RMDN2: variants seen among roughly 807,000 people sequenced by gnomAD.
The protein encoded by RMDN2 is regulator of microtubule dynamics 2.
A neutral mutation model predicts 52.8 loss-of-function variants in RMDN2; 61 were observed. That is an observed-to-expected ratio of 1.16 (90% CI 0.94 to 1.43). The LOEUF (loss-of-function observed/expected upper bound fraction) is 1.43, where lower values mean the gene tolerates loss of function less well. Ranked by LOEUF, RMDN2 falls within the 40% of genes most tolerant of loss-of-function variation. RMDN2 has a pLI of 0.00. For synonymous variants in RMDN2, 180 were observed against 153.1 expected (o/e 1.18, Z -1.30); for missense variants, 592 against 475.3 (o/e 1.25, Z -2.28).
At chr2:38,060,344 C>T (rs1681999601) in intron 10 of RMDN2, among the ~76,000 whole-genome samples, 1 of 152,110 alleles carries the variant, frequency 6.6e-6, no homozygotes, top group Admixed American at 6.5e-5. Flanking sequence ...CCCATTTTTA[C>T]AGCAATCATT....
At chr2:38,041,593 CTTT>C (rs1680958089) in intron 10 of RMDN2, among the ~76,000 whole-genome samples, 2 of 151,848 alleles carry the variant, frequency 1.3e-5, no homozygotes, top group African/African-American at 4.8e-5. Flanking sequence ...TGTAGATCTT[CTTT>C]ATCAAGATGA....
intron 6 of RMDN2, 104 bp from the exon 7 acceptor site, chr2:37,991,116 A>G (rs1674730417): frequency 4.0e-6 from 2 of 495,704 alleles, no homozygotes; most frequent in South Asian, 4.7e-5. Context: ...GGGAGAACTG[A>G]GACAATATTT....
At chr2:37,951,175 C>G (rs2124960550) in intron 2 of RMDN2, 2 of 1,476,106 alleles carry the variant, frequency 1.4e-6, no homozygotes, top group East Asian at 4.6e-5. Context: ...GGAGGCTTGG[C>G]AGGTCTCCAC....
chr2:37,948,303 A>G (rs1268353053), intron 2 of RMDN2, among the ~76,000 whole-genome samples: 3 of 152,220 alleles, frequency 2.0e-5, no homozygotes, highest in African/African-American at 7.2e-5. Flanking sequence ...TAACATCCAC[A>G]TGAGCAATCA....
At chr2:37,967,158 C>G (rs1479723175) in intron 2 of RMDN2, among the ~76,000 whole-genome samples, 5 of 152,034 alleles carry the variant, frequency 3.3e-5, no homozygotes, top group East Asian at 1.9e-4. Context: ...TTTGTGTCCT[C>G]TAATTGAAGA....
intron 4 of RMDN2, among the ~76,000 whole-genome samples, chr2:37,977,674 T>A (rs1403710319): frequency 6.6e-6 from 1 of 151,028 alleles, no homozygotes; most frequent in African/African-American, 2.4e-5. Flanking sequence ...ACTCCTCAAT[T>A]CCCAGACGGG....
chr2:37,994,958 C>G (rs903351037), intron 7 of RMDN2, among the ~76,000 whole-genome samples: 7 of 152,106 alleles, frequency 4.6e-5, no homozygotes, highest in Non-Finnish European at 1.0e-4. Context: ...AAATTATAGT[C>G]AGATCAGTAT....
chr2:38,037,796 C>A (rs1031422970), intron 10 of RMDN2, among the ~76,000 whole-genome samples: 1 of 152,200 alleles, frequency 6.6e-6, no homozygotes. Flanking sequence ...TGCACTTTGG[C>A]TCTTTTAATC....
At chr2:38,026,693 GC>G (rs1427569227) in intron 10 of RMDN2, among the ~76,000 whole-genome samples, 1 of 151,902 alleles carries the variant, frequency 6.6e-6, no homozygotes, top group East Asian at 1.9e-4. Flanking sequence ...ATGATTGTTT[GC>G]CACACTCATC....
intron 2 of RMDN2, among the ~76,000 whole-genome samples, chr2:37,932,410 A>C (rs1452640052): frequency 2.0e-5 from 3 of 151,694 alleles, no homozygotes; most frequent in African/African-American, 7.3e-5. Context: ...ATCCCAAGGC[A>C]GAAGAATTTT....
At chr2:37,986,432 C>T (rs1674028086) in intron 5 of RMDN2, among the ~76,000 whole-genome samples, 1 of 152,112 alleles carries the variant, frequency 6.6e-6, no homozygotes, top group Admixed American at 6.5e-5. Flanking sequence ...CACTTCCTAA[C>T]TCATTGTTTG....
At chr2:37,954,212 GTTTA>G (rs1364579563) in intron 2 of RMDN2, among the ~76,000 whole-genome samples, 1 of 151,890 alleles carries the variant, frequency 6.6e-6, no homozygotes, top group Non-Finnish European at 1.5e-5. Flanking sequence ...AGGTAGTCTA[GTTTA>G]TCAATTTTTT....
At chr2:37,979,855 T>C (rs1232246615) in intron 4 of RMDN2, among the ~76,000 whole-genome samples, 1 of 152,202 alleles carries the variant, frequency 6.6e-6, no homozygotes, top group Non-Finnish European at 1.5e-5. Context: ...AAAAATTGAT[T>C]TAGTTTTTAA....
rs375903525 is a variant in RMDN2, at chr2:38,061,842, C to G, written c.1714-5140C>G. 6.6e-5 allele frequency among the ~76,000 whole-genome samples: 10 copies of G among 152,254 alleles called. No homozygotes were observed. In the East Asian group the frequency reaches 1.9e-3, roughly 29 times the overall value. Reference sequence around the variant, plus strand: ...ACTTATGACATTGAATTAAAATTGCCTCGGCTGGGAGGTTCCAGCTGTTGC... The same window carrying G: ...ACTTATGACATTGAATTAAAATTGCGTCGGCTGGGAGGTTCCAGCTGTTGC... On this transcript the variant is annotated intron_variant, in intron 10 of 10. Transcript: ENST00000234195.
chr2:37,981,296 T>G lies in RMDN2; in HGVS notation c.744T>G (p.Ser248Arg). 1 of 1,600,568 alleles carries G rather than the reference T, an allele frequency of 6.2e-7. No homozygotes were observed. Among genetic ancestry groups the G allele is most frequent in the South Asian group, 1.1e-5 (1 of 90,792 alleles). ...TTTATCTTTCAGGAAAAACTTTAAG[T>G]GAAAGAGCTATTAATAGAGCACCCA... is the stretch of plus-strand genomic sequence containing the variant. Reference protein sequence around the residue: ...KHYANIGKTLSERAINRAPMN... With the variant: ...KHYANIGKTLRERAINRAPMN... Residue 248 changes from serine (S) to arginine (R), a missense_variant, in exon 5 of 11, where the codon AGT becomes AGG. Coordinates refer to ENST00000354545, the MANE Select transcript of RMDN2 (RefSeq NM_001170791.3).
intron 5 of RMDN2, among the ~76,000 whole-genome samples, chr2:37,985,676 A>G (rs1164976352): frequency 6.6e-6 from 1 of 152,186 alleles, no homozygotes; most frequent in African/African-American, 2.4e-5. Flanking sequence ...TAAAAGTTAC[A>G]GAGAACACAA....
At chr2:37,925,523 C>T (rs1245737960) in intron 1 of RMDN2, 98 bp downstream of exon 1, 1 of 152,530 alleles carries the variant, frequency 6.6e-6, no homozygotes, top group Non-Finnish European at 1.5e-5. Context: ...GTGGGGGCGA[C>T]TGCACTTCCG....
intron 10 of RMDN2, chr2:38,030,831 C>T (rs997084490): frequency 1.3e-5 from 2 of 152,188 alleles, no homozygotes; most frequent in African/African-American, 4.8e-5. Flanking sequence ...CTGGCCTGCA[C>T]AGCGAGAAAA....
intron 10 of RMDN2, among the ~76,000 whole-genome samples, chr2:38,058,002 A>G (rs62136337): frequency 0.4 from 61,590 of 152,152 alleles, 15,363 homozygotes; most frequent in East Asian, 0.79. Context: ...AGAATAGACT[A>G]ATACAGAGCC....
Sources: gnomAD v4.1 joint callset for allele counts (sites outside exome capture counted in the v4.1 genomes callset) on GRCh38, gnomAD v4.1.1 for gene constraint, MANE v1.5 for transcripts, NCBI Gene and HGNC (gene_info 2026-07-23, HGNC 2026-07-21) for gene names.